The following TSHZ2 variants were observed in gnomAD, a reference collection of about 807,000 sequenced individuals.
TSHZ2 encodes the protein teashirt homolog 2.
In TSHZ2, 21 loss-of-function variants were observed where a neutral mutation model predicts 74.4. That is an observed-to-expected ratio of 0.28 (90% CI 0.20 to 0.41). The LOEUF is 0.41. TSHZ2 is among the 10% of genes least tolerant of loss of function. The pLI, the probability that TSHZ2 is intolerant of heterozygous loss-of-function variation, is 1.00. For synonymous variants in TSHZ2, 540 were observed against 515.3 expected, an observed-to-expected ratio of 1.05 and a Z score of -0.65; for missense variants, 1,244 against 1,293.5, an observed-to-expected ratio of 0.96 and a Z score of 0.59.
At chr20:53,122,812 ACT>A (rs1204559644) in intron 1 of TSHZ2, among the ~76,000 whole-genome samples, 2 of 151,898 alleles carry the variant, frequency 1.3e-5, no homozygotes, top group African/African-American at 4.8e-5. Context: ...GCCAAAGTGG[ACT>A]CTCTTTTTCA....
At chr20:53,134,774 T>C (rs1231286732) in intron 1 of TSHZ2, among the ~76,000 whole-genome samples, 1 of 152,172 alleles carries the variant, frequency 6.6e-6, no homozygotes, top group African/African-American at 2.4e-5. Context: ...TTGTTGGTCA[T>C]CTTCTCCCTC....
At chr20:53,462,322 T>C (rs1321025202) in intron 2 of TSHZ2, among the ~76,000 whole-genome samples, 2 of 152,216 alleles carry the variant, frequency 1.3e-5, no homozygotes, top group Non-Finnish European at 2.9e-5. Flanking sequence ...GGGCCCATCT[T>C]AACAGCCTCA....
At chr20:53,323,574 T>C (rs1979367513) in intron 2 of TSHZ2, among the ~76,000 whole-genome samples, 1 of 119,260 alleles carries the variant, frequency 8.4e-6, no homozygotes, top group African/African-American at 3.2e-5. Flanking sequence ...TTTTTTTTTT[T>C]TTTTTTTTTT....
chr20:53,332,613 CT>C (rs1193176593), intron 2 of TSHZ2, among the ~76,000 whole-genome samples: 3 of 152,064 alleles, frequency 2.0e-5, no homozygotes, highest in Non-Finnish European at 4.4e-5. Context: ...GTGTGTGAAG[CT>C]GAAAGCCAAA....
chr20:53,469,045 T>TTATATATATTTA (rs1555872221), intron 2 of TSHZ2, among the ~76,000 whole-genome samples: 1 of 49,128 alleles, frequency 2.0e-5, no homozygotes, highest in East Asian at 8.1e-4. Flanking sequence ...AATCGATATT[T>TTATATATATTTA]TATATATATA....
chr20:53,231,953 T>C (rs376764366), intron 1 of TSHZ2, among the ~76,000 whole-genome samples: 7 of 152,312 alleles, frequency 4.6e-5, no homozygotes, highest in African/African-American at 1.7e-4. Context: ...GGCACCATCA[T>C]AGTTCATTGC....
intron 2 of TSHZ2, among the ~76,000 whole-genome samples, chr20:53,356,993 G>C (rs1980870728): frequency 6.6e-6 from 1 of 151,952 alleles, no homozygotes; most frequent in Non-Finnish European, 1.5e-5. Context: ...TTTTCTCAAG[G>C]GACCTAAAGT....
chr20:53,090,572 A>T (rs1157940384), intron 1 of TSHZ2, among the ~76,000 whole-genome samples: 1 of 152,168 alleles, frequency 6.6e-6, no homozygotes, highest in East Asian at 1.9e-4. Context: ...TTTGGAATGG[A>T]GTGCACCTCT....
chr20:53,184,504 TA>T (rs1490245851), intron 1 of TSHZ2, among the ~76,000 whole-genome samples: 2 of 152,134 alleles, frequency 1.3e-5, no homozygotes, highest in Non-Finnish European at 2.9e-5. Flanking sequence ...CATTATAAAA[TA>T]GGAACAAACA....
At chr20:53,287,755 A>G (rs754030319) in intron 2 of TSHZ2, among the ~76,000 whole-genome samples, 10 of 152,212 alleles carry the variant, frequency 6.6e-5, no homozygotes, top group Non-Finnish European at 1.2e-4. Context: ...AAAACAAACA[A>G]AAATCATGGT....
chr20:53,150,959 T>G (rs576205980), intron 1 of TSHZ2, among the ~76,000 whole-genome samples: 1 of 152,188 alleles, frequency 6.6e-6, no homozygotes, highest in Non-Finnish European at 1.5e-5. Context: ...AGAGACAAAT[T>G]AGCTATTAGG....
At chr20:53,224,811 C>T (rs1483608484) in intron 1 of TSHZ2, among the ~76,000 whole-genome samples, 1 of 144,250 alleles carries the variant, frequency 6.9e-6, no homozygotes, top group Non-Finnish European at 1.5e-5. Flanking sequence ...GATCATGCCA[C>T]AGCACTCCAG....
intron 1 of TSHZ2, among the ~76,000 whole-genome samples, chr20:53,132,314 T>A (rs1459418105): frequency 2.3e-5 from 2 of 87,924 alleles, no homozygotes; most frequent in Non-Finnish European, 2.0e-5. Flanking sequence ...CTGCCCCTAA[T>A]TTTTTTTTTT....
chr20:53,014,748 G>A (rs534877976), intron 1 of TSHZ2, among the ~76,000 whole-genome samples: 17 of 152,188 alleles, frequency 1.1e-4, no homozygotes, highest in African/African-American at 4.1e-4. Context: ...TCTTTCAGTA[G>A]TCTGGGAACC....
intron 2 of TSHZ2, among the ~76,000 whole-genome samples, chr20:53,315,718 G>A (rs777862366): frequency 3.9e-5 from 6 of 152,178 alleles, no homozygotes; most frequent in Non-Finnish European, 5.9e-5. Context: ...GAACAAGATA[G>A]ACATCACGGC....
Position 53,255,879 on chromosome 20 carries a change from C to T in TSHZ2, c.2421C>T (p.Thr807=), listed in dbSNP as rs1404078341. 1 of 1,613,398 alleles carries T rather than the reference C, an allele frequency of 6.2e-7. No homozygotes were observed. The highest frequency in any genetic ancestry group is 1.7e-5 in the Admixed American group (1 of 59,952). Residue 807 remains threonine (T), a synonymous_variant, in exon 2 of 3, where the codon ACC becomes ACT. Coordinates refer to ENST00000371497, the MANE Select transcript of TSHZ2 (RefSeq NM_173485.6). The surrounding 1 kb of genome is among the most constrained non-coding windows in gnomAD (Gnocchi z 4.1). ...DMVKVLPKAT[T]PKPASSSRVP... is the part of the protein sequence containing the mutation. ...TCAAAGTCCTCCCCAAAGCCACCAC[C>T]CCAAAGCCAGCCTCCTCCTCCAGGG...
intron 2 of TSHZ2, among the ~76,000 whole-genome samples, chr20:53,313,183 T>C (rs921382008): frequency 1.3e-5 from 2 of 152,234 alleles, no homozygotes; most frequent in African/African-American, 4.8e-5. Context: ...ATGCTGAACA[T>C]TTTGCAAATA....
chr20:53,171,141 G>A (rs1345183753), intron 1 of TSHZ2, among the ~76,000 whole-genome samples: 2 of 152,128 alleles, frequency 1.3e-5, no homozygotes, highest in African/African-American at 4.8e-5. Flanking sequence ...TAAGGCACCA[G>A]CCCTCGATCC....
intron 1 of TSHZ2, among the ~76,000 whole-genome samples, chr20:53,136,380 G>T (rs1255896594): frequency 1.3e-5 from 2 of 152,198 alleles, no homozygotes; most frequent in African/African-American, 4.8e-5. Flanking sequence ...AGGGATCGAA[G>T]AGCTAGTTTT....
Sources: gnomAD v4.1 joint callset for allele counts (sites outside exome capture counted in the v4.1 genomes callset) on GRCh38, gnomAD v4.1.1 for gene constraint, Gnocchi (gnomAD v3.1) non-coding constraint, MANE v1.5 for transcripts, NCBI Gene and HGNC (gene_info 2026-07-23, HGNC 2026-07-21) for gene names.